NCAM2: variants seen among roughly 807,000 people sequenced by gnomAD.
The protein encoded by NCAM2 is N-CAM-2.
NCAM2 carries 30 observed loss-of-function variants against 98.1 expected under a neutral mutation model. That is an observed-to-expected ratio of 0.31 (90% CI 0.23 to 0.41). NCAM2 has a LOEUF of 0.41. NCAM2 is among the 10% of genes least tolerant of loss of function. The probability of loss-of-function intolerance (pLI) is 1.00; values close to 1 mark genes in which losing one functional copy is unlikely to be tolerated. For synonymous variants in NCAM2, 368 were observed against 342.4 expected (o/e 1.07, Z -0.83); for missense variants, 867 against 1,005.8 (o/e 0.86, Z 1.87).
chr21:21,141,172 G>T (rs1351248644), intron 1 of NCAM2, among the ~76,000 whole-genome samples: 1 of 152,054 alleles, frequency 6.6e-6, no homozygotes. Flanking sequence ...TTGTAAAAAT[G>T]GTTTTCAAGT....
At chr21:21,429,859 A>C (rs1168317915) in intron 11 of NCAM2, among the ~76,000 whole-genome samples, 2 of 152,100 alleles carry the variant, frequency 1.3e-5, no homozygotes, top group African/African-American at 4.8e-5. Context: ...TGAAATATAC[A>C]CTGTGGCATT....
rs77515150 is a variant in NCAM2 at position 21,079,575 on chromosome 21, C to G, written c.55+80957C>G. On this transcript the variant is annotated intron_variant, in intron 1 of 17. Coordinates refer to ENST00000400546, the MANE Select transcript of NCAM2 (RefSeq NM_004540.5). ...TCTGTTTTAGTGAAAATTCTCTTGC[C>G]CCCTTTTTTTTTAGCCACTGCATTC... 2.6e-3 allele frequency among the ~76,000 whole-genome samples: 397 copies of G among 151,860 alleles called. 23 individuals carry two copies. The East Asian group carries it at 0.065, about 25-fold the overall frequency.
intron 12 of NCAM2, among the ~76,000 whole-genome samples, chr21:21,450,797 C>CGT (rs1569076793): frequency 0.019 from 523 of 27,104 alleles, 3 homozygotes; most frequent in African/African-American, 0.036. Context: ...TATGTATACA[C>CGT]ACACACACAC....
chr21:21,048,087 A>G lies in NCAM2; in HGVS notation c.55+49469A>G, dbSNP rs28478485. Among the ~76,000 whole-genome samples the G allele has an allele frequency of 9.1e-3, 1,389 of 152,244 alleles. 25 individuals are homozygous for G. Among genetic ancestry groups the G allele is most frequent in the African/African-American group, 0.031 (1,297 of 41,540 alleles). On this transcript the variant is annotated intron_variant, in intron 1 of 17. Coordinates refer to ENST00000400546, the MANE Select transcript of NCAM2 (RefSeq NM_004540.5). ...TTTTCCTTCTTTCCTTTCCAAATCC[A>G]GGAGATAAATCAACTAAGAGCCAGG... is the stretch of plus-strand genomic sequence containing the variant.
At chr21:21,093,906 A>G (rs1205438276) in intron 1 of NCAM2, among the ~76,000 whole-genome samples, 3 of 151,964 alleles carry the variant, frequency 2.0e-5, no homozygotes, top group Non-Finnish European at 4.4e-5. Context: ...TCTTTTGTTT[A>G]CATTTTATCT....
intron 1 of NCAM2, among the ~76,000 whole-genome samples, chr21:21,177,843 T>C (rs761584082): frequency 4.0e-5 from 6 of 151,168 alleles, no homozygotes; most frequent in Non-Finnish European, 8.9e-5. Flanking sequence ...CACTTTCCTC[T>C]CAATGAAATG....
At chr21:21,504,212 G>A (rs1294445124) in intron 15 of NCAM2, among the ~76,000 whole-genome samples, 3 of 151,910 alleles carry the variant, frequency 2.0e-5, no homozygotes, top group Middle Eastern at 3.4e-3. Flanking sequence ...AGTGATTCAC[G>A]TGTACAGTTC....
At chr21:21,420,399 T>TA (rs1314829687) in intron 11 of NCAM2, among the ~76,000 whole-genome samples, 7 of 151,990 alleles carry the variant, frequency 4.6e-5, no homozygotes, top group Non-Finnish European at 4.4e-5. Context: ...AAATACATTT[T>TA]AAAAAATAGT....
At chr21:21,060,535 G>A (rs2065300333) in intron 1 of NCAM2, among the ~76,000 whole-genome samples, 2 of 152,032 alleles carry the variant, frequency 1.3e-5, no homozygotes, top group South Asian at 2.1e-4. Flanking sequence ...TCAGAAACAA[G>A]TTTTCAAGAC....
intron 1 of NCAM2, among the ~76,000 whole-genome samples, chr21:21,095,492 A>ATT (rs1439597638): frequency 4.7e-5 from 7 of 149,988 alleles, no homozygotes; most frequent in South Asian, 2.1e-4. Flanking sequence ...ACCTTTTTAA[A>ATT]AAAAAAAGCA....
intron 1 of NCAM2, among the ~76,000 whole-genome samples, chr21:21,166,889 A>G (rs1012102998): frequency 2.6e-5 from 4 of 152,204 alleles, no homozygotes; most frequent in African/African-American, 9.7e-5. Flanking sequence ...GTTTGGTGGA[A>G]TAGAATCTTT....
chr21:21,230,957 T>G (rs1049353821), intron 1 of NCAM2, among the ~76,000 whole-genome samples: 6 of 151,350 alleles, frequency 4.0e-5, no homozygotes, highest in African/African-American at 1.5e-4. Flanking sequence ...GAGAGATATG[T>G]AGACACAATT....
chr21:21,461,785 A>T (rs972468425), intron 12 of NCAM2, among the ~76,000 whole-genome samples: 2 of 151,982 alleles, frequency 1.3e-5, no homozygotes, highest in African/African-American at 4.8e-5. Flanking sequence ...GCAAAAATGT[A>T]AATTTCAGAA....
chr21:21,226,340 T>G (rs2070383120), intron 1 of NCAM2, among the ~76,000 whole-genome samples: 1 of 152,096 alleles, frequency 6.6e-6, no homozygotes, highest in South Asian at 2.1e-4. Flanking sequence ...ACTTTAGTTT[T>G]GGATTTCAGA....
At chr21:21,439,893 A>G (rs996179677) in intron 12 of NCAM2, among the ~76,000 whole-genome samples, 2 of 152,222 alleles carry the variant, frequency 1.3e-5, no homozygotes, top group African/African-American at 4.8e-5. Context: ...GTGTATGTTC[A>G]TTCATATACT....
intron 12 of NCAM2, among the ~76,000 whole-genome samples, chr21:21,440,878 A>G (rs1197553843): frequency 2.0e-5 from 3 of 152,230 alleles, no homozygotes; most frequent in Non-Finnish European, 4.4e-5. Context: ...AACATTTTAG[A>G]TGAATTTTAC....
At chr21:21,308,644 GA>G (rs1344578649) in intron 5 of NCAM2, among the ~76,000 whole-genome samples, 1 of 152,032 alleles carries the variant, frequency 6.6e-6, no homozygotes, top group Admixed American at 6.6e-5. Flanking sequence ...TGATGACCTT[GA>G]TTGATCATTT....
intron 1 of NCAM2, among the ~76,000 whole-genome samples, chr21:21,153,758 A>G (rs1230980144): frequency 6.6e-6 from 1 of 151,910 alleles, no homozygotes; most frequent in African/African-American, 2.4e-5. Flanking sequence ...TGATGGAGCT[A>G]TGATGGAAAA....
chr21:21,266,765 A>G (rs1195668004), intron 1 of NCAM2, among the ~76,000 whole-genome samples: 6 of 152,166 alleles, frequency 3.9e-5, no homozygotes, highest in Non-Finnish European at 5.9e-5. Context: ...AGATATACCT[A>G]ATGTAAATGA....
Sources: allele counts gnomAD v4.1 joint callset (sites outside exome capture counted in the v4.1 genomes callset), GRCh38; gene constraint gnomAD v4.1.1; transcripts MANE v1.5; gene names NCBI Gene and HGNC (gene_info 2026-07-23, HGNC 2026-07-21).